The following SLC2A13 variants were observed in gnomAD, a reference collection of about 807,000 sequenced individuals.
SLC2A13 encodes solute carrier family 2 member 13, also known as proton myo-inositol cotransporter.
In SLC2A13, 32 loss-of-function variants were observed where a neutral mutation model predicts 64.4. The observed-to-expected ratio is 0.50, with a 90% CI of 0.37 to 0.67. The LOEUF (loss-of-function observed/expected upper bound fraction) is 0.67. Among genes scored for constraint, SLC2A13 ranks in the 30% least tolerant of loss-of-function variants. The pLI is 0.00. For missense variants in SLC2A13, 743 were observed against 829.2 expected (o/e 0.90, Z 1.28); for synonymous variants, 338 against 327.1 (o/e 1.03, Z -0.36).
At chr12:39,996,660 G>T (rs1326824336) in intron 3 of SLC2A13, among the ~76,000 whole-genome samples, 1 of 152,218 alleles carries the variant, frequency 6.6e-6, no homozygotes, top group Non-Finnish European at 1.5e-5. Flanking sequence ...GCCATGGCTG[G>T]AAGGGGCCAA....
intron 1 of SLC2A13, among the ~76,000 whole-genome samples, chr12:40,052,135 G>GA (rs1948268804): frequency 6.6e-6 from 1 of 152,072 alleles, no homozygotes; most frequent in African/African-American, 2.4e-5. Flanking sequence ...GATAGGGAGG[G>GA]AAAAAATGAA....
chr12:40,015,665 T>C (rs1947609260), intron 3 of SLC2A13, among the ~76,000 whole-genome samples: 1 of 152,188 alleles, frequency 6.6e-6, no homozygotes. Flanking sequence ...CACTCATTGC[T>C]TCTTGGTGTG....
At chr12:39,859,605 C>T (rs2135914325) in intron 6 of SLC2A13, among the ~76,000 whole-genome samples, 1 of 152,288 alleles carries the variant, frequency 6.6e-6, no homozygotes, top group East Asian at 1.9e-4. Context: ...TCACTGCAAC[C>T]TCTACCTCCT....
intron 5 of SLC2A13, among the ~76,000 whole-genome samples, chr12:39,868,866 T>C (rs1943972334): frequency 6.6e-6 from 1 of 152,206 alleles, no homozygotes; most frequent in African/African-American, 2.4e-5. Flanking sequence ...TTGTACTTCT[T>C]TGTATAAAGA....
At chr12:39,867,475 CA>C (rs951686719) in intron 5 of SLC2A13, among the ~76,000 whole-genome samples, 14 of 146,084 alleles carry the variant, frequency 9.6e-5, no homozygotes, top group African/African-American at 1.5e-4. Context: ...AAAACAAAAA[CA>C]AAAAAAAAAC....
chr12:40,018,301 A>G (rs1383098336), intron 3 of SLC2A13, among the ~76,000 whole-genome samples: 3 of 152,222 alleles, frequency 2.0e-5, no homozygotes, highest in Non-Finnish European at 4.4e-5. Flanking sequence ...CCAAAAAGCC[A>G]AGTATTACTA....
chr12:40,084,284 G>A (rs981483492), intron 1 of SLC2A13, among the ~76,000 whole-genome samples: 5 of 152,198 alleles, frequency 3.3e-5, no homozygotes, highest in Non-Finnish European at 7.3e-5. Flanking sequence ...ACTTACCTGT[G>A]TGTTCTATCC....
intron 3 of SLC2A13, among the ~76,000 whole-genome samples, chr12:39,962,596 A>G (rs925388790): frequency 1.3e-5 from 2 of 152,224 alleles, no homozygotes; most frequent in African/African-American, 4.8e-5. Context: ...AAGGACAGAC[A>G]CACTTGACTG....
At chr12:39,805,201 C>A (rs962118591) in intron 7 of SLC2A13, among the ~76,000 whole-genome samples, 2 of 152,084 alleles carry the variant, frequency 1.3e-5, no homozygotes, top group African/African-American at 2.4e-5. Context: ...CTCTGCAGGG[C>A]GTGGTTTTTA....
intron 4 of SLC2A13, among the ~76,000 whole-genome samples, chr12:39,896,465 T>TACATATATGTATATGTGTGTATATGTAC (rs778840970): frequency 7.1e-6 from 1 of 141,450 alleles, no homozygotes; most frequent in East Asian, 2.1e-4. Context: ...TATATATGTA[T>TACATATATGTATATGTGTGTATATGTAC]ACATATATGT....
At chr12:39,977,348 T>C (rs563306125) in intron 3 of SLC2A13, among the ~76,000 whole-genome samples, 1 of 152,360 alleles carries the variant, frequency 6.6e-6, no homozygotes, top group Admixed American at 6.5e-5. Flanking sequence ...AAACTGTGTC[T>C]CTGATCTCTT....
At chr12:39,782,563 T>A (rs1207429220) in intron 7 of SLC2A13, among the ~76,000 whole-genome samples, 2 of 152,178 alleles carry the variant, frequency 1.3e-5, no homozygotes, top group African/African-American at 4.8e-5. Context: ...TGGGTATGTC[T>A]TTATCAGCAG....
Position 39,938,761 on chromosome 12 carries a change from G to T in SLC2A13, c.1034+12496C>A, listed in dbSNP as rs925599093. Among the ~76,000 whole-genome samples the T allele has an allele frequency of 6.0e-4, 91 of 150,706 alleles. 1 individual carries two copies. The highest frequency in any genetic ancestry group is 1.3e-4 in the Non-Finnish European group (9 of 67,860). ...CTAAGAAAGTTCACATCCATATTGT[G>T]CTAACTTATTTTTACACATATTTGG... On this transcript the variant is annotated intron_variant, in intron 4 of 9. Coordinates refer to ENST00000280871, the MANE Select transcript of SLC2A13 (RefSeq NM_052885.4).
chr12:39,857,621 A>G (rs1003980772), intron 6 of SLC2A13, among the ~76,000 whole-genome samples: 12 of 152,206 alleles, frequency 7.9e-5, no homozygotes, highest in African/African-American at 2.9e-4. Context: ...TGATCTTTTA[A>G]AAACACAAAT....
intron 4 of SLC2A13, among the ~76,000 whole-genome samples, chr12:39,874,355 T>G (rs769249747): frequency 2.0e-5 from 3 of 152,218 alleles, no homozygotes; most frequent in South Asian, 4.1e-4. Context: ...GGCTCACACC[T>G]GTAATCCCAG....
chr12:40,024,139 T>C (rs1037739607), intron 3 of SLC2A13, among the ~76,000 whole-genome samples: 22 of 152,210 alleles, frequency 1.4e-4, no homozygotes, highest in Non-Finnish European at 7.3e-5. Context: ...GCCATGACTC[T>C]ATTACACATC....
chr12:40,079,897 C>G (rs1323728930), intron 1 of SLC2A13, among the ~76,000 whole-genome samples: 1 of 152,208 alleles, frequency 6.6e-6, no homozygotes, highest in African/African-American at 2.4e-5. Flanking sequence ...GAGTCTCACT[C>G]TGTGCCACCC....
At chr12:39,999,611 TG>T (rs1281136050) in intron 3 of SLC2A13, among the ~76,000 whole-genome samples, 2 of 152,176 alleles carry the variant, frequency 1.3e-5, no homozygotes, top group African/African-American at 2.4e-5. Context: ...TGTTTTCTGT[TG>T]TTTGTTTATC....
At chr12:40,047,800 C>T (rs1192979175) in intron 2 of SLC2A13, among the ~76,000 whole-genome samples, 1 of 152,164 alleles carries the variant, frequency 6.6e-6, no homozygotes, top group Non-Finnish European at 1.5e-5. Context: ...AGATTGCACA[C>T]AGTGTGAGAA....
Sources: gnomAD v4.1 joint callset for allele counts (sites outside exome capture counted in the v4.1 genomes callset) on GRCh38, gnomAD v4.1.1 for gene constraint, MANE v1.5 for transcripts, NCBI Gene and HGNC (gene_info 2026-07-23, HGNC 2026-07-21) for gene names.